DAB2IP: variants seen among roughly 807,000 people sequenced by gnomAD.
DAB2IP encodes DAB2 interacting protein, also known as disabled homolog 2-interacting protein.
Under a neutral mutation model 107.2 loss-of-function variants are expected in DAB2IP, and 28 were observed. The ratio of observed to expected loss-of-function variants is 0.26; its 90% confidence interval spans 0.19 to 0.36. DAB2IP has a LOEUF of 0.36. DAB2IP is among the 10% of genes least tolerant of loss of function. The probability of loss-of-function intolerance (pLI) is 1.00; values close to 1 mark genes in which losing one functional copy is unlikely to be tolerated. For missense variants in DAB2IP, 1,400 were observed against 1,644.7 expected, an observed-to-expected ratio of 0.85 and a Z score of 2.57; for synonymous variants, 755 against 706.4, an observed-to-expected ratio of 1.07 and a Z score of -1.09.
chr9:121,744,266 G>C (rs967431099), intron 3 of DAB2IP, among the ~76,000 whole-genome samples: 2 of 152,204 alleles, frequency 1.3e-5, no homozygotes, highest in Non-Finnish European at 2.9e-5. Flanking sequence ...CCCACTGGGT[G>C]GGGTGGAGGC....
chr9:121,748,428 C>A (rs1832868450), intron 3 of DAB2IP, among the ~76,000 whole-genome samples: 1 of 152,298 alleles, frequency 6.6e-6, no homozygotes, highest in South Asian at 2.1e-4. Flanking sequence ...GACCATGTGA[C>A]CTAGCCAAGC....
intron 1 of DAB2IP, among the ~76,000 whole-genome samples, chr9:121,568,113 C>T (rs1829850926): frequency 6.6e-6 from 1 of 152,194 alleles, no homozygotes. Context: ...TCAGGTCAGC[C>T]TTCCAGGGGT....
chr9:121,658,822 C>T (rs1833078265), intron 1 of DAB2IP, among the ~76,000 whole-genome samples: 1 of 152,210 alleles, frequency 6.6e-6, no homozygotes, highest in Non-Finnish European at 1.5e-5. Flanking sequence ...CTCAGATCCA[C>T]AACTGCCTGG....
At chr9:121,761,180 G>A (rs1164987948) in intron 6 of DAB2IP, among the ~76,000 whole-genome samples, 1 of 152,210 alleles carries the variant, frequency 6.6e-6, no homozygotes, top group South Asian at 2.1e-4. Flanking sequence ...CTGGACCAGG[G>A]TGCCCCTAGG....
At chr9:121,649,279 T>C (rs80218321), upstream of DAB2IP, among the ~76,000 whole-genome samples, 1,361 of 103,440 alleles carry the variant, frequency 0.013, 81 homozygotes, top group African/African-American at 0.035. Flanking sequence ...TCCCTATAGG[T>C]AGGGAAACTA....
At chr9:121,739,693 C>T (rs1050520179) in intron 3 of DAB2IP, among the ~76,000 whole-genome samples, 5 of 152,128 alleles carry the variant, frequency 3.3e-5, no homozygotes, top group African/African-American at 9.7e-5. Context: ...CGTGAAGCTC[C>T]GAGAGGTGTC....
intron 1 of DAB2IP, among the ~76,000 whole-genome samples, chr9:121,620,381 C>T (rs1351056570): frequency 6.6e-6 from 1 of 152,224 alleles, no homozygotes; most frequent in African/African-American, 2.4e-5. Flanking sequence ...CCCTGCTCCA[C>T]TTGCAGTGGT....
chr9:121,747,068 T>C (rs1170493729), intron 3 of DAB2IP, among the ~76,000 whole-genome samples: 1 of 152,070 alleles, frequency 6.6e-6, no homozygotes, highest in Non-Finnish European at 1.5e-5. Flanking sequence ...GCTCTAGAGC[T>C]TGGGAGCTTC....
intron 1 of DAB2IP, among the ~76,000 whole-genome samples, chr9:121,618,820 G>A (rs1276346916): frequency 1.3e-5 from 2 of 152,192 alleles, no homozygotes; most frequent in Non-Finnish European, 2.9e-5. Flanking sequence ...ATCATAATCG[G>A]TTTAATTATT....
chr9:121,642,045 T>C (rs144743006), intron 1 of DAB2IP, among the ~76,000 whole-genome samples: 385 of 36,476 alleles, frequency 0.011, 7 homozygotes, highest in African/African-American at 0.039. Flanking sequence ...CTTTCTTTCT[T>C]TCTTTCTTTC....
intron 1 of DAB2IP, among the ~76,000 whole-genome samples, chr9:121,623,004 G>C (rs903451419): frequency 6.6e-6 from 1 of 151,342 alleles, no homozygotes; most frequent in African/African-American, 2.4e-5. Context: ...GCCTGGGGGT[G>C]TGCACGTGGG....
intron 1 of DAB2IP, among the ~76,000 whole-genome samples, chr9:121,625,569 G>T (rs1276820229): frequency 7.9e-5 from 12 of 152,210 alleles, no homozygotes; most frequent in African/African-American, 2.4e-4. Context: ...GCCAATGGCT[G>T]GGCTTTGAAT....
chr9:121,711,883 G>A (rs1275220126), intron 3 of DAB2IP, among the ~76,000 whole-genome samples: 4 of 152,102 alleles, frequency 2.6e-5, no homozygotes, highest in South Asian at 2.1e-4. Context: ...GCTGGGTGGC[G>A]TCCATGTACC....
At chr9:121,574,399 T>G (rs1054700999) in intron 1 of DAB2IP, among the ~76,000 whole-genome samples, 2 of 152,110 alleles carry the variant, frequency 1.3e-5, no homozygotes, top group Admixed American at 6.5e-5. Context: ...TCCATCTTGT[T>G]CGAGGGCTCT....
intron 1 of DAB2IP, among the ~76,000 whole-genome samples, chr9:121,640,324 G>A (rs1325847786): frequency 6.6e-6 from 1 of 152,044 alleles, no homozygotes; most frequent in Admixed American, 6.5e-5. Flanking sequence ...GGCCTGGGTG[G>A]GAAGACGGGC....
chr9:121,769,122 A>AC (rs1235358815), intron 10 of DAB2IP, among the ~76,000 whole-genome samples: 6 of 151,984 alleles, frequency 3.9e-5, no homozygotes, highest in Non-Finnish European at 7.4e-5. Flanking sequence ...GACTTCACTG[A>AC]CCCCCAGCCT....
chr9:121,718,398 G>A (rs865949630), intron 3 of DAB2IP, among the ~76,000 whole-genome samples: 1 of 152,168 alleles, frequency 6.6e-6, no homozygotes. Flanking sequence ...ATCAACATAC[G>A]CTGGGATGGG....
At chr9:121,576,953 C>T (rs770566227) in intron 1 of DAB2IP, among the ~76,000 whole-genome samples, 2 of 152,192 alleles carry the variant, frequency 1.3e-5, no homozygotes, top group African/African-American at 2.4e-5. Flanking sequence ...GAAGCCCTCA[C>T]TCAACTGCCC....
At chr9:121,627,379 CTTT>C (rs35147565) in intron 1 of DAB2IP, among the ~76,000 whole-genome samples, 1 of 143,200 alleles carries the variant, frequency 7.0e-6, no homozygotes, top group African/African-American at 2.5e-5. Context: ...AGTTTTGGTG[CTTT>C]TTTTTTTTTT....
Sources: allele counts gnomAD v4.1 joint callset (sites outside exome capture counted in the v4.1 genomes callset), GRCh38; gene constraint gnomAD v4.1.1; transcripts MANE v1.5; gene names NCBI Gene and HGNC (gene_info 2026-07-23, HGNC 2026-07-21).